CHSY3: variants seen among roughly 807,000 people sequenced by gnomAD.
CHSY3 encodes N-acetylgalactosaminyl-proteoglycan 3-beta-glucuronosyltransferase 3.
In CHSY3, 35 loss-of-function variants were observed where a neutral mutation model predicts 67.2. That is an observed-to-expected ratio of 0.52 (90% CI 0.40 to 0.69). The LOEUF (loss-of-function observed/expected upper bound fraction) is 0.69. CHSY3 is among the 30% of genes least tolerant of loss of function. The pLI is 0.00. For synonymous variants in CHSY3, 474 were observed against 434.7 expected (o/e 1.09, Z -1.12); for missense variants, 1,069 against 1,138.5 (o/e 0.94, Z 0.88).
chr5:130,158,127 G>C (rs1015242661), intron 2 of CHSY3, among the ~76,000 whole-genome samples: 1 of 152,168 alleles, frequency 6.6e-6, no homozygotes, highest in African/African-American at 2.4e-5. Context: ...CAAGGTCTTT[G>C]TTACATGTAT....
In CHSY3 at chr5:130,104,320, C is replaced by A. The variant is rs1030481396; in HGVS notation, c.1087-79909C>A. Among the ~76,000 whole-genome samples the A allele has an allele frequency of 5.9e-5, 9 of 151,840 alleles. 1 individual carries two copies. The highest frequency in any genetic ancestry group is 2.2e-4 in the African/African-American group (9 of 41,408). On this transcript the variant is annotated intron_variant, in intron 2 of 2. Coordinates refer to ENST00000305031, the MANE Select transcript of CHSY3 (RefSeq NM_175856.5). ...AGCCGTGATGTTTTCTCATGGGAAT[C>A]CTTTCTCACCGAAGAGTTACTTTAC...
Position 130,185,587 on chromosome 5 carries a change from T to C in CHSY3, c.2445T>C (p.Ile815=). Residue 815 remains isoleucine, a synonymous_variant, in exon 3 of 3, where the codon ATT becomes ATC. Coordinates refer to ENST00000305031, the MANE Select transcript of CHSY3 (RefSeq NM_175856.5). ...LEDVDLYNKV[I]LSGLRPFRSQ... is the part of the protein sequence containing the mutation. ...ATGTAGATCTCTACAATAAAGTCAT[T>C]CTATCTGGCTTAAGGCCATTCAGAA... is the stretch of plus-strand genomic sequence containing the variant. 1 of 1,612,778 alleles carries C rather than the reference T, an allele frequency of 6.2e-7. No homozygotes were observed. Among genetic ancestry groups the C allele is most frequent in the Non-Finnish European group, 8.5e-7 (1 of 1,179,496 alleles).
intron 2 of CHSY3, among the ~76,000 whole-genome samples, chr5:130,087,361 T>C (rs1399314892): frequency 6.6e-6 from 1 of 152,196 alleles, no homozygotes. Flanking sequence ...TTGGAAGTTC[T>C]GGCCAGGGCA....
At chr5:130,074,300 GCCT>G (rs2149683249) in intron 2 of CHSY3, among the ~76,000 whole-genome samples, 1 of 152,056 alleles carries the variant, frequency 6.6e-6, no homozygotes, top group Non-Finnish European at 1.5e-5. Context: ...CAATCTCCCA[GCCT>G]CAAGTGATCC....
chr5:130,010,502 T>G (rs1168332508), intron 2 of CHSY3, among the ~76,000 whole-genome samples: 1 of 152,160 alleles, frequency 6.6e-6, no homozygotes, highest in African/African-American at 2.4e-5. Context: ...GGAAAGGTGA[T>G]AGCACTAAGT....
At chr5:129,972,142 T>A (rs538489783) in intron 2 of CHSY3, among the ~76,000 whole-genome samples, 1 of 152,206 alleles carries the variant, frequency 6.6e-6, no homozygotes, top group South Asian at 2.1e-4. Context: ...AGAACTTCAG[T>A]GTTAACTGTT....
chr5:129,931,685 T>A (rs1761314659), intron 2 of CHSY3, among the ~76,000 whole-genome samples: 1 of 152,190 alleles, frequency 6.6e-6, no homozygotes, highest in Non-Finnish European at 1.5e-5. Context: ...CTTTTTACTC[T>A]GCCTTTTCTT....
At chr5:129,979,026 C>G (rs1276513337) in intron 2 of CHSY3, among the ~76,000 whole-genome samples, 2 of 151,126 alleles carry the variant, frequency 1.3e-5, no homozygotes, top group East Asian at 3.9e-4. Context: ...GTGAAACCCC[C>G]TGTCTACTAA....
chr5:130,143,784 G>GTGTACA lies in CHSY3; in HGVS notation c.1087-40444_1087-40443insGTACAT, dbSNP rs1179526892. 2.7e-5 allele frequency among the ~76,000 whole-genome samples: 2 copies of GTGTACA among 73,844 alleles called. 1 individual carries two copies. The highest frequency in any genetic ancestry group is 3.6e-4 in the Admixed American group (2 of 5,542). The allele number at this position is 73,844 out of a possible 152,430, so 48.4% of individuals were successfully genotyped here. A position where few individuals can be genotyped will look rare whatever the true frequency, so the allele number is the denominator to read the frequency against. On this transcript the variant is annotated intron_variant, in intron 2 of 2. Transcript: ENST00000305031. ...TGTGTGTGTGTATATATATATATGT[G>GTGTACA]TATATATATATATATATATATGTGT...
intron 2 of CHSY3, among the ~76,000 whole-genome samples, chr5:130,132,800 A>G (rs1426227341): frequency 6.6e-6 from 1 of 152,166 alleles, no homozygotes; most frequent in African/African-American, 2.4e-5. Context: ...AATGCTGCCA[A>G]ACATCTTGCA....
At chr5:130,121,513 C>A (rs1385178138) in intron 2 of CHSY3, among the ~76,000 whole-genome samples, 2 of 152,064 alleles carry the variant, frequency 1.3e-5, no homozygotes, top group Admixed American at 1.3e-4. Flanking sequence ...CTGGAGCTTC[C>A]TTGTAGCTCA....
intron 2 of CHSY3, among the ~76,000 whole-genome samples, chr5:130,069,804 T>A (rs924128233): frequency 6.6e-6 from 1 of 152,082 alleles, no homozygotes; most frequent in Admixed American, 6.6e-5. Context: ...TTCTCTTACC[T>A]TTATGTTTCT....
intron 2 of CHSY3, among the ~76,000 whole-genome samples, chr5:129,979,186 C>CGA (rs1561482607): frequency 9.1e-6 from 1 of 109,550 alleles, no homozygotes; most frequent in Non-Finnish European, 1.7e-5. Flanking sequence ...GGTGAGACAG[C>CGA]GAGACTCCGT....
At chr5:130,182,628 A>C (rs772635106) in intron 2 of CHSY3, among the ~76,000 whole-genome samples, 35 of 152,140 alleles carry the variant, frequency 2.3e-4, no homozygotes, top group Admixed American at 1.2e-3. Flanking sequence ...TTTTTCTAAA[A>C]TAAACCTTTA....
At chr5:130,176,124 G>A (rs1770041780) in intron 2 of CHSY3, among the ~76,000 whole-genome samples, 1 of 151,908 alleles carries the variant, frequency 6.6e-6, no homozygotes, top group South Asian at 2.1e-4. Context: ...CTAATATCCA[G>A]AATCCATAGG....
At chr5:130,160,869 T>C (rs1166981714) in intron 2 of CHSY3, among the ~76,000 whole-genome samples, 19 of 151,758 alleles carry the variant, frequency 1.3e-4, no homozygotes. Context: ...TGATGTAAAA[T>C]ACTGATCATT....
intron 2 of CHSY3, among the ~76,000 whole-genome samples, chr5:130,030,008 G>A (rs1764661010): frequency 6.6e-6 from 1 of 151,952 alleles, no homozygotes; most frequent in South Asian, 2.1e-4. Flanking sequence ...ACAAATATTT[G>A]CATCTGTCCT....
intron 2 of CHSY3, among the ~76,000 whole-genome samples, chr5:130,025,495 G>A (rs544613170): frequency 1.1e-4 from 16 of 152,200 alleles, no homozygotes; most frequent in Admixed American, 7.2e-4. Flanking sequence ...AGAAGCCACG[G>A]AATCAAAGAG....
At chr5:130,117,678 A>C (rs1336237549) in intron 2 of CHSY3, among the ~76,000 whole-genome samples, 1 of 152,030 alleles carries the variant, frequency 6.6e-6, no homozygotes, top group Admixed American at 6.5e-5. Flanking sequence ...AAATTTCTAA[A>C]TTTTCTAAAA....
Sources: gnomAD v4.1 joint callset for allele counts (sites outside exome capture counted in the v4.1 genomes callset) on GRCh38, gnomAD v4.1.1 for gene constraint, MANE v1.5 for transcripts, NCBI Gene and HGNC (gene_info 2026-07-23, HGNC 2026-07-21) for gene names.